DMD: variants seen among roughly 807,000 people sequenced by gnomAD.
DMD encodes the protein dystrophin, also known as mutant dystrophin.
In DMD, 63 loss-of-function variants were observed where a neutral mutation model predicts 330.1. The observed-to-expected ratio is 0.19, with a 90% CI of 0.16 to 0.24. The LOEUF is 0.24. Ranked by LOEUF, DMD falls within the 10% of genes least tolerant of loss-of-function variation. DMD has a pLI of 1.00. For missense variants in DMD, 3,344 were observed against 2,684.1 expected (o/e 1.25, Z -5.43); for synonymous variants, 1,223 against 959.8 (o/e 1.27, Z -5.07).
intron 1 of DMD, among the ~76,000 whole-genome samples, chrX:33,332,562 T>C (rs978343308): frequency 9.9e-5 from 11 of 111,185 alleles, no homozygotes; most frequent in African/African-American, 2.9e-4. Flanking sequence ...GACATTTACA[T>C]AGCATAAATA....
intron 15 of DMD, among the ~76,000 whole-genome samples, chrX:32,570,355 T>G (rs1446338422): frequency 8.9e-6 from 1 of 112,033 alleles, no homozygotes; most frequent in African/African-American, 3.2e-5. Context: ...GTTTTGTTAA[T>G]TGGCTTAAAC....
chrX:32,622,029 A>C (rs1376353979), intron 11 of DMD, among the ~76,000 whole-genome samples: 2 of 111,543 alleles, frequency 1.8e-5, no homozygotes, highest in Non-Finnish European at 3.8e-5. Flanking sequence ...TTCTACAAAC[A>C]CAACTCACCC....
chrX:32,041,241 T>C (rs992904427), intron 44 of DMD, among the ~76,000 whole-genome samples: 2 of 112,196 alleles, frequency 1.8e-5, no homozygotes, highest in African/African-American at 6.5e-5. Flanking sequence ...TGCTGACATA[T>C]GTTCTATTGA....
intron 2 of DMD, among the ~76,000 whole-genome samples, chrX:32,908,649 A>G (rs1273877973): frequency 8.9e-6 from 1 of 111,811 alleles, no homozygotes; most frequent in Non-Finnish European, 1.9e-5. Context: ...CAACATTTTC[A>G]TGGAACACAG....
At chrX:32,571,632 C>T (rs1006347360) in intron 15 of DMD, among the ~76,000 whole-genome samples, 1 of 111,985 alleles carries the variant, frequency 8.9e-6, no homozygotes, top group African/African-American at 3.2e-5. Context: ...GTTGTGTAAA[C>T]CAACTGATTA....
chrX:31,511,733 C>T (rs1224002988), intron 55 of DMD, among the ~76,000 whole-genome samples: 259 of 107,937 alleles, frequency 2.4e-3, no homozygotes, highest in Middle Eastern at 4.7e-3. Flanking sequence ...CAGTCTATCA[C>T]TGTTGGACAT....
At chrX:32,114,007 A>G (rs1603626091) in intron 44 of DMD, among the ~76,000 whole-genome samples, 1 of 111,715 alleles carries the variant, frequency 9.0e-6, no homozygotes, top group African/African-American at 3.3e-5. Context: ...TGATTATGCA[A>G]GGCTCAATGT....
intron 16 of DMD, among the ~76,000 whole-genome samples, chrX:32,560,522 G>A (rs1603636383): frequency 9.1e-6 from 1 of 110,380 alleles, no homozygotes; most frequent in South Asian, 3.9e-4. Context: ...ACGGTGGTAT[G>A]GTGCACCTAC....
chrX:32,741,831 C>G (rs1222864882), intron 7 of DMD, among the ~76,000 whole-genome samples: 1 of 111,809 alleles, frequency 8.9e-6, no homozygotes, highest in African/African-American at 3.2e-5. Context: ...CTCAATAAAG[C>G]TGTTCCATTT....
At chrX:32,338,469 C>T (rs1024109987) in intron 41 of DMD, among the ~76,000 whole-genome samples, 1 of 110,292 alleles carries the variant, frequency 9.1e-6, no homozygotes, top group East Asian at 2.8e-4. Context: ...TTTTTCAAAT[C>T]TTCGTTTTCA....
chrX:31,315,892 T>G (rs891105791), intron 62 of DMD, among the ~76,000 whole-genome samples: 10 of 112,211 alleles, frequency 8.9e-5, no homozygotes, highest in Middle Eastern at 4.6e-3. Context: ...TGAAAAACAG[T>G]AGTTGATCAA....
At chrX:31,389,992 T>C (rs2060620086) in intron 60 of DMD, among the ~76,000 whole-genome samples, 1 of 111,813 alleles carries the variant, frequency 8.9e-6, no homozygotes, top group Non-Finnish European at 1.9e-5. Context: ...CACTTCCCTA[T>C]CTCATTGCTT....
chrX:33,170,210 T>C (rs2049269264), intron 1 of DMD, among the ~76,000 whole-genome samples: 1 of 111,404 alleles, frequency 9.0e-6, no homozygotes, highest in African/African-American at 3.2e-5. Context: ...CGTTCCCAAG[T>C]AACTAGACTA....
chrX:33,063,308 A>G (rs1378087357), intron 1 of DMD, among the ~76,000 whole-genome samples: 2 of 111,744 alleles, frequency 1.8e-5, no homozygotes, highest in African/African-American at 6.5e-5. Context: ...AAAATAGAAG[A>G]AAAAGTAGAA....
intron 29 of DMD, among the ~76,000 whole-genome samples, chrX:32,427,545 A>C (rs1487854475): frequency 9.0e-6 from 1 of 110,877 alleles, no homozygotes; most frequent in Non-Finnish European, 1.9e-5. Flanking sequence ...AATTTGTTTC[A>C]GAACTTTTCC....
At chrX:31,635,426 T>C (rs984473083) in intron 54 of DMD, among the ~76,000 whole-genome samples, 2 of 111,948 alleles carry the variant, frequency 1.8e-5, no homozygotes, top group South Asian at 3.7e-4. Context: ...TGTGCAGTTA[T>C]ATATATCCTC....
At chrX:32,233,704 C>G (rs1244283466) in intron 43 of DMD, among the ~76,000 whole-genome samples, 1 of 108,284 alleles carries the variant, frequency 9.2e-6, no homozygotes, top group Non-Finnish European at 1.9e-5. Flanking sequence ...GTGATCTTCT[C>G]TCACCACAAC....
chrX:31,771,595 G>C (rs775875831), intron 51 of DMD, among the ~76,000 whole-genome samples: 37 of 109,582 alleles, frequency 3.4e-4, no homozygotes, highest in Non-Finnish European at 6.5e-4. Context: ...CTCTGGTCCA[G>C]GATTCAAGTG....
intron 2 of DMD, among the ~76,000 whole-genome samples, chrX:32,853,397 A>G (rs938907120): frequency 9.8e-5 from 11 of 112,082 alleles, no homozygotes; most frequent in African/African-American, 3.6e-4. Flanking sequence ...AACTCTAATA[A>G]CTTTAAGACA....
Sources: gnomAD v4.1 joint callset for allele counts (sites outside exome capture counted in the v4.1 genomes callset) on GRCh38, gnomAD v4.1.1 for gene constraint, MANE v1.5 for transcripts, NCBI Gene and HGNC (gene_info 2026-07-23, HGNC 2026-07-21) for gene names.